CCDC28A: variants seen among roughly 807,000 people sequenced by gnomAD.
CCDC28A encodes coiled-coil domain-containing protein 28A.
In CCDC28A, 24 loss-of-function variants were observed where a neutral mutation model predicts 22.1. That is an observed-to-expected ratio of 1.09 (90% CI 0.79 to 1.53). CCDC28A has a LOEUF of 1.53. CCDC28A is among the 40% of genes most tolerant of loss of function. The probability of loss-of-function intolerance (pLI) is 0.00; values close to 1 mark genes in which losing one functional copy is unlikely to be tolerated. For synonymous variants in CCDC28A, 83 were observed against 74.7 expected (o/e 1.11, Z -0.57); for missense variants, 170 against 210.7 (o/e 0.81, Z 1.20).
Position 138,777,161 on chromosome 6 carries a change from C to G in CCDC28A, c.158+883C>G, listed in dbSNP as rs573468561. On this transcript the variant is annotated intron_variant, in intron 2 of 5. Coordinates refer to ENST00000617445, the MANE Select transcript of CCDC28A (RefSeq NM_015439.3). ...TATTAAATAAATTTACTCTCACATC[C>G]AATCTCACCCTGGCAAGTTAGCTAA... is the stretch of plus-strand genomic sequence containing the variant. 1.4e-3 allele frequency among the ~76,000 whole-genome samples: 212 copies of G among 152,312 alleles called. 1 individual carries two copies. Among genetic ancestry groups the G allele is most frequent in the African/African-American group, 5.0e-3 (206 of 41,564 alleles).
chr6:138,792,354 C>T (rs917351411), intron 5 of CCDC28A, among the ~76,000 whole-genome samples: 2 of 152,136 alleles, frequency 1.3e-5, no homozygotes, highest in East Asian at 3.9e-4. Context: ...CATAGCCAGA[C>T]TCCTCCCCCA....
Position 138,785,249 on chromosome 6 carries a change from G to A in CCDC28A, c.345G>A (p.Gln115=), listed in dbSNP as rs1192649303. ...AAGGAAATGAATGTTCCATTGAACA[G>A]ATGGAACATGTTCGGGGAATGCAGG... ...QAFGNECSIE[Q]MEHVRGMQEK... Residue 115 remains glutamine (Q), a synonymous_variant, in exon 4 of 6, where the codon CAG becomes CAA. Transcript: ENST00000617445. 1 of 1,612,904 alleles carries A rather than the reference G, an allele frequency of 6.2e-7. No homozygotes were observed. Among genetic ancestry groups the A allele is most frequent in the Non-Finnish European group, 8.5e-7 (1 of 1,178,994 alleles).
At chr6:138,790,990 A>T (rs957647132) in intron 5 of CCDC28A, among the ~76,000 whole-genome samples, 3 of 152,224 alleles carry the variant, frequency 2.0e-5, no homozygotes, top group Non-Finnish European at 4.4e-5. Context: ...TCAATATAGT[A>T]GCCACTAAGC....
chr6:138,779,793 A>G, intron 2 of CCDC28A, 29 bp from the exon 3 acceptor site: 1 of 1,575,022 alleles, frequency 6.3e-7, no homozygotes, highest in Non-Finnish European at 8.6e-7. Flanking sequence ...AGAATAGCCT[A>G]AAAAGCCTAA....
intron 5 of CCDC28A, among the ~76,000 whole-genome samples, chr6:138,790,192 G>A (rs577640901): frequency 7.2e-5 from 11 of 152,050 alleles, no homozygotes; most frequent in African/African-American, 2.4e-4. Context: ...TCGCCCTGTC[G>A]CCCAGGCTGA....
In CCDC28A at chr6:138,779,931, A is replaced by C. The variant is rs748711432; in HGVS notation, c.268A>C (p.Arg90=). 10 of 1,613,816 alleles carry C rather than the reference A, an allele frequency of 6.2e-6. No homozygotes were observed. In the South Asian group the frequency reaches 9.9e-5, roughly 16 times the overall value. Residue 90 remains arginine (R), a synonymous_variant, in exon 3 of 6, where the codon AGA becomes CGA. Coordinates refer to ENST00000617445, the MANE Select transcript of CCDC28A (RefSeq NM_015439.3). ...TDVSDVQEME[R]GLLSLLNDFH... ...TGTCTCAGATGTTCAGGAGATGGAG[A>C]GAGGGCTGCTCAGTCTTTTGAATGA...
chr6:138,791,232 C>T (rs996224648), intron 5 of CCDC28A, among the ~76,000 whole-genome samples: 8 of 151,094 alleles, frequency 5.3e-5, no homozygotes, highest in African/African-American at 1.5e-4. Flanking sequence ...TACAGGTGTA[C>T]GTTATGCCCA....
intron 3 of CCDC28A, among the ~76,000 whole-genome samples, chr6:138,783,908 G>A (rs1198862753): frequency 1.5e-5 from 2 of 132,264 alleles, no homozygotes; most frequent in African/African-American, 3.0e-5. Flanking sequence ...ACAGGGTCTC[G>A]CTCTGTTACT....
At chr6:138,779,640 GT>G (rs1774987442) in intron 2 of CCDC28A, among the ~76,000 whole-genome samples, 181 bp from the exon 3 acceptor site, 1 of 152,100 alleles carries the variant, frequency 6.6e-6, no homozygotes, top group South Asian at 2.1e-4. Flanking sequence ...TTATACATTT[GT>G]TTGAGGTTTT....
chr6:138,776,063 T>A lies in CCDC28A; in HGVS notation c.-42-16T>A. 6.3e-7 allele frequency: 1 copy of A among 1,598,152 alleles called. No individual in the cohort carries two copies. Among genetic ancestry groups the A allele is most frequent in the Middle Eastern group, 1.7e-4 (1 of 6,038 alleles). On this transcript the variant is annotated splice_polypyrimidine_tract_variant and intron_variant, in intron 1 of 5. Transcript: ENST00000617445. ...TATTATAGCATACATATATAATTGC[T>A]GTATTCCTTATTTAGGTCTTAAGAA...
At position 138,779,533 on chromosome 6, in the gene CCDC28A, A is replaced by G. The variant is rs1774985612; in HGVS notation, c.159-289A>G. Among the ~76,000 whole-genome samples the G allele has an allele frequency of 3.9e-5, 6 of 152,232 alleles. No homozygotes were observed. The South Asian group carries it at 1.0e-3, about 26-fold the overall frequency. Reference sequence around the variant, plus strand: ...AGAAATGAAATGTAAAGCATAGGATAATACAGACTTACAAGTTTTCTTTTC... The same window carrying G: ...AGAAATGAAATGTAAAGCATAGGATGATACAGACTTACAAGTTTTCTTTTC... On this transcript the variant is annotated intron_variant, in intron 2 of 5. Coordinates refer to ENST00000617445, the MANE Select transcript of CCDC28A (RefSeq NM_015439.3).
intron 2 of CCDC28A, among the ~76,000 whole-genome samples, chr6:138,777,141 A>C (rs1356822315): frequency 6.6e-6 from 1 of 152,238 alleles, no homozygotes; most frequent in East Asian, 1.9e-4. Context: ...CTAATTATTA[A>C]ATAAATTTAC....
rs779059884 is a variant in CCDC28A, at chr6:138,785,394, C to A, written c.477+13C>A. The A allele has an allele frequency of 8.8e-6, 14 of 1,581,928 alleles. No individual in the cohort carries two copies. The Middle Eastern group carries it at 6.7e-4, about 76-fold the overall frequency. On this transcript the variant is annotated intron_variant, in intron 4 of 5. Coordinates refer to ENST00000617445, the MANE Select transcript of CCDC28A (RefSeq NM_015439.3). ...GCTTCTGTCAGATGTAAGTGTAATT[C>A]TTTTTCTTTGTTCTTTAAAAAAAAA... is the stretch of plus-strand genomic sequence containing the variant.
chr6:138,785,080 T>C (rs1775071580), intron 3 of CCDC28A, 147 bp from the exon 4 acceptor site: 2 of 501,988 alleles, frequency 4.0e-6, no homozygotes, highest in Non-Finnish European at 3.4e-6. Context: ...TGATTTGTTA[T>C]TAAACACAGA....
intron 3 of CCDC28A, among the ~76,000 whole-genome samples, chr6:138,781,657 C>T (rs1421771424): frequency 6.6e-6 from 1 of 152,082 alleles, no homozygotes; most frequent in African/African-American, 2.4e-5. Context: ...TTTGAAGATC[C>T]GTGTGTGTTT....
chr6:138,774,455 A>C (rs1774894798), intron 1 of CCDC28A, among the ~76,000 whole-genome samples: 1 of 152,248 alleles, frequency 6.6e-6, no homozygotes, highest in Non-Finnish European at 1.5e-5. Flanking sequence ...TGTTGAAACA[A>C]CACCAGAATT....
chr6:138,776,333 A>T, intron 2 of CCDC28A, 55 bp downstream of exon 2: 1 of 1,397,722 alleles, frequency 7.2e-7, no homozygotes, highest in Non-Finnish European at 1.0e-6. Context: ...GTAAATCCTG[A>T]CTCAACTTCT....
chr6:138,792,750 C>A lies in CCDC28A; in HGVS notation c.502C>A (p.Gln168Lys). The change falls in exon 6 of 6, where the codon CAA becomes AAA. Residue 168 changes from glutamine (Q) to lysine (K), a missense_variant and splice_region_variant. Gln to Lys is a moderately conservative substitution (Grantham distance 53). Coordinates refer to ENST00000617445, the MANE Select transcript of CCDC28A (RefSeq NM_015439.3). ...SDLEELNSSIQKLHLADAQDV... is the reference protein window; with the variant it reads ...SDLEELNSSIKKLHLADAQDV... ...AATCTTCTTAACTGATTAATTCAGA[C>A]AAAAACTCCATTTGGCAGATGCACA... 6.3e-7 allele frequency: 1 copy of A among 1,598,002 alleles called. No individual in the cohort carries two copies. The highest frequency in any genetic ancestry group is 8.6e-7 in the Non-Finnish European group (1 of 1,168,448).
intron 5 of CCDC28A, among the ~76,000 whole-genome samples, chr6:138,791,229 G>A (rs1052204028): frequency 3.3e-5 from 5 of 151,516 alleles, no homozygotes; most frequent in Non-Finnish European, 7.4e-5. Context: ...GACTACAGGT[G>A]TACGTTATGC....
Sources: gnomAD v4.1 joint callset for allele counts (sites outside exome capture counted in the v4.1 genomes callset) on GRCh38, gnomAD v4.1.1 for gene constraint, MANE v1.5 for transcripts, NCBI Gene and HGNC (gene_info 2026-07-23, HGNC 2026-07-21) for gene names.